The following CABP1 variants were observed in gnomAD, a reference collection of about 807,000 sequenced individuals.
CABP1 encodes the protein calcium binding protein 1.
In CABP1, 17 loss-of-function variants were observed where a neutral mutation model predicts 34.3. The observed-to-expected ratio is 0.50, with a 90% CI of 0.34 to 0.74. CABP1 has a LOEUF of 0.74. CABP1 is among the 30% of genes least tolerant of loss of function. The pLI, the probability that CABP1 is intolerant of heterozygous loss-of-function variation, is 0.01. For synonymous variants in CABP1, 198 were observed against 229.2 expected, an observed-to-expected ratio of 0.86 and a Z score of 1.23; for missense variants, 373 against 511.1, an observed-to-expected ratio of 0.73 and a Z score of 2.61.
rs1201662756 is a variant in CABP1 at position 120,655,833 on chromosome 12, G to GTA, written c.655-4044_655-4043insAT. 11 of 674,684 alleles carry GTA rather than the reference G, an allele frequency of 1.6e-5. No homozygotes were observed. The African/African-American group carries it at 3.8e-4, about 23-fold the overall frequency. The allele number at this position is 674,684 out of a possible 1,614,324, so 41.8% of individuals were successfully genotyped here. The stretch of plus-strand genomic sequence containing the variant: ...TGTATGTGCCAGTGCGTGCGTGCGT[G>GTA]TGTGTGTGTGTGTGTGTGCGCATGT... On this transcript the variant is annotated intron_variant, in intron 1 of 5. Coordinates refer to ENST00000316803, the MANE Select transcript of CABP1 (RefSeq NM_001033677.2).
intron 1 of CABP1, among the ~76,000 whole-genome samples, chr12:120,653,983 T>C (rs868721070): frequency 3.9e-5 from 6 of 152,230 alleles, no homozygotes; most frequent in African/African-American, 1.4e-4. Context: ...GGCCAGTCAC[T>C]GTTATCTCAG....
At chr12:120,664,880 GA>G (rs77147570) in intron 5 of CABP1, among the ~76,000 whole-genome samples, 146 of 120,424 alleles carry the variant, frequency 1.2e-3, no homozygotes, top group African/African-American at 3.0e-3. Context: ...GTCTCAAAAA[GA>G]AAAAAAAAAA....
At chr12:120,678,239 C>T in the CABP1 span, among the ~76,000 whole-genome samples, 3 of 152,276 alleles carry the variant, frequency 2.0e-5, no homozygotes, top group South Asian at 2.1e-4. Flanking sequence ...TAAAAATAGG[C>T]AGGACTTAAT....
At chr12:120,653,435 C>CA (rs1404492160) in intron 1 of CABP1, among the ~76,000 whole-genome samples, 1 of 152,218 alleles carries the variant, frequency 6.6e-6, no homozygotes, top group Non-Finnish European at 1.5e-5. Context: ...GGTCACACAG[C>CA]AAGCAAGTGG....
chr12:120,656,288 C>A, intron 1 of CABP1: 1 of 1,527,334 alleles, frequency 6.5e-7, no homozygotes, highest in Non-Finnish European at 8.8e-7. Flanking sequence ...TAAGTTGGCC[C>A]AGTGGAGCCC....
intron 1 of CABP1, among the ~76,000 whole-genome samples, chr12:120,658,405 A>G (rs911691882): frequency 6.6e-6 from 1 of 151,822 alleles, no homozygotes; most frequent in African/African-American, 2.4e-5. Flanking sequence ...GCCCATAGCG[A>G]GCTTTTTAGG....
chr12:120,644,392 G>A (rs1254186302), intron 1 of CABP1, among the ~76,000 whole-genome samples: 1 of 152,134 alleles, frequency 6.6e-6, no homozygotes, highest in Non-Finnish European at 1.5e-5. Context: ...TGGCTATTAA[G>A]GGAAGGAGCT....
chr12:120,661,651 GTCCA>G lies in CABP1; in HGVS notation c.1087+439_1087+442del, dbSNP rs1880652497. 1.3e-5 allele frequency: 2 copies of G among 149,446 alleles called. No individual in the cohort carries two copies. Among genetic ancestry groups the G allele is most frequent in the Admixed American group, 6.4e-5 (1 of 15,710 alleles). The allele number at this position is 149,446 out of a possible 1,614,324, so 9.3% of individuals were successfully genotyped here. On this transcript the variant is annotated intron_variant, in intron 5 of 5. Transcript: ENST00000316803. The surrounding 1 kb of genome is among the most constrained non-coding windows in gnomAD (Gnocchi z 5.1). ...CATCCATTTATCCATCCATCCATCC[GTCCA>G]TCCATTCGTCTACATATCTATCCAT...
intron 1 of CABP1, 64 bp from the exon 2 acceptor site, chr12:120,659,814 G>C: frequency 5.8e-6 from 9 of 1,543,940 alleles, no homozygotes; most frequent in Non-Finnish European, 6.3e-6. Context: ...TGGCCCCCAG[G>C]TTAGGTATTT....
Position 120,660,808 on chromosome 12 carries a change from G to T in CABP1, c.907G>T (p.Gly303Cys). 6.2e-7 allele frequency: 1 copy of T among 1,613,838 alleles called. No individual in the cohort carries two copies. Among genetic ancestry groups the T allele is most frequent in the Non-Finnish European group, 8.5e-7 (1 of 1,179,746 alleles). Residue 303 changes from glycine (G) to cysteine (C), a missense_variant, in exon 4 of 6, where the codon GGT (glycine) becomes TGT (cysteine). By Grantham distance (159) the Gly-to-Cys change is radical. Transcript: ENST00000316803. This position sits in a 1 kb window ranked among gnomAD's most constrained non-coding sequence, Gnocchi z 5.0. ...CCTGGCAGAGACAGCAGATATGATT[G>T]GTGTAAAGGAACTGCGAGATGCTTT... ...KLLAETADMI[G>C]VKELRDAFRE... is the part of the protein sequence containing the mutation.
Position 120,667,061 on chromosome 12 carries a change from C to T in CABP1, c.*161C>T, listed in dbSNP as rs1217253454. On this transcript the variant is annotated 3_prime_UTR_variant, in exon 6 of 6. Transcript: ENST00000316803. ...CGCCCACCCCGGACCCCCACCCCTC[C>T]GCACTGTGAAAGACTAACTCCTGCA... The T allele has an allele frequency of 4.2e-5, 33 of 781,126 alleles. No individual in the cohort carries two copies. The highest frequency in any genetic ancestry group is 7.3e-4 in the Middle Eastern group (2 of 2,736). 48.4% of individuals were successfully genotyped at this position (781,126 alleles called of 1,614,324 possible).
chr12:120,656,399 C>T, intron 1 of CABP1: 6 of 824,382 alleles, frequency 7.3e-6, no homozygotes, highest in Non-Finnish European at 1.1e-5. Context: ...CCAAAGTTTT[C>T]CACTCATGGC....
At chr12:120,675,450 C>G in the CABP1 span, among the ~76,000 whole-genome samples, 1 of 152,226 alleles carries the variant, frequency 6.6e-6, no homozygotes, top group African/African-American at 2.4e-5. Context: ...TGGCTCAGGG[C>G]CCTCACACAT....
chr12:120,647,747 T>C (rs545434855), intron 1 of CABP1, among the ~76,000 whole-genome samples: 1 of 149,516 alleles, frequency 6.7e-6, no homozygotes, highest in African/African-American at 2.4e-5. Context: ...TTTGTATTTT[T>C]TTTTTTTTTT....
downstream of CABP1, among the ~76,000 whole-genome samples, chr12:120,670,255 A>G (rs1881207172): frequency 6.6e-6 from 1 of 152,178 alleles, no homozygotes; most frequent in Non-Finnish European, 1.5e-5. Flanking sequence ...TCAGCTTCCC[A>G]AAGTGCTGGG....
At chr12:120,677,094 T>C in the CABP1 span, among the ~76,000 whole-genome samples, 1 of 150,916 alleles carries the variant, frequency 6.6e-6, no homozygotes, top group Non-Finnish European at 1.5e-5. Flanking sequence ...GTTTTTTTTT[T>C]TTTTTTTTCC....
chr12:120,666,773 G>C, intron 5 of CABP1, 102 bp from the exon 6 acceptor site: 1 of 1,279,224 alleles, frequency 7.8e-7, no homozygotes, highest in Non-Finnish European at 1.1e-6. Context: ...TGGGGGACCA[G>C]CACAGAGTTG....
chr12:120,673,882 C>G, the CABP1 span, among the ~76,000 whole-genome samples: 1 of 152,194 alleles, frequency 6.6e-6, no homozygotes, highest in African/African-American at 2.4e-5. Context: ...ACGCAGTAAG[C>G]ATCGTAAATG....
At chr12:120,656,296 C>T (rs776622407) in intron 1 of CABP1, 2 of 1,517,514 alleles carry the variant, frequency 1.3e-6, no homozygotes, top group Admixed American at 4.2e-5. Context: ...CCCAGTGGAG[C>T]CCGCTGAACT....
Sources: allele counts gnomAD v4.1 joint callset (sites outside exome capture counted in the v4.1 genomes callset), GRCh38; gene constraint gnomAD v4.1.1; non-coding constraint Gnocchi (gnomAD v3.1); transcripts MANE v1.5; gene names NCBI Gene and HGNC (gene_info 2026-07-23, HGNC 2026-07-21).